The following WWOX variants were observed in gnomAD, a reference collection of about 807,000 sequenced individuals.
WWOX encodes WW domain containing oxidoreductase.
WWOX carries 69 observed loss-of-function variants against 46.2 expected under a neutral mutation model. The observed-to-expected ratio is 1.49, with a 90% CI of 1.23 to 1.82. The LOEUF (loss-of-function observed/expected upper bound fraction) is 1.82, where lower values mean the gene tolerates loss of function less well. Ranked by LOEUF, WWOX falls within the 40% of genes most tolerant of loss-of-function variation. The pLI is 0.00. For missense variants in WWOX, 919 were observed against 542.6 expected, an observed-to-expected ratio of 1.69 and a Z score of -6.89; for synonymous variants, 359 against 202.6, an observed-to-expected ratio of 1.77 and a Z score of -6.56.
chr16:78,958,761 A>G (rs114672769), intron 8 of WWOX, among the ~76,000 whole-genome samples: 102 of 152,352 alleles, frequency 6.7e-4, no homozygotes, highest in Middle Eastern at 3.4e-3. Context: ...CAAGTCGTCA[A>G]TGCCACTTTG....
chr16:78,477,608 G>A (rs1437671630), intron 8 of WWOX, among the ~76,000 whole-genome samples: 1 of 150,812 alleles, frequency 6.6e-6, no homozygotes, highest in African/African-American at 2.5e-5. Flanking sequence ...TCTAATGTGA[G>A]ATTTTATTTT....
intron 5 of WWOX, among the ~76,000 whole-genome samples, chr16:78,210,794 G>A (rs1045529679): frequency 5.3e-5 from 8 of 152,184 alleles, no homozygotes; most frequent in African/African-American, 1.9e-4. Context: ...GGTCTACCCA[G>A]TTATAATTCT....
chr16:79,095,834 G>T (rs2049056636), intron 8 of WWOX, among the ~76,000 whole-genome samples: 2 of 149,334 alleles, frequency 1.3e-5, no homozygotes, highest in East Asian at 2.0e-4. Flanking sequence ...CCTCCCGCCT[G>T]GATCACTGCT....
intron 8 of WWOX, among the ~76,000 whole-genome samples, chr16:78,858,146 G>GTGTGTGTGTT (rs2052611465): frequency 6.9e-6 from 1 of 145,722 alleles, no homozygotes; most frequent in Non-Finnish European, 1.5e-5. Context: ...TTGTGTGTTT[G>GTGTGTGTGTT]TGTGTGTGTG....
intron 8 of WWOX, among the ~76,000 whole-genome samples, chr16:78,572,841 G>A (rs2044752002): frequency 1.3e-5 from 2 of 152,054 alleles, no homozygotes; most frequent in African/African-American, 4.8e-5. Flanking sequence ...CACAGGGGAG[G>A]TATTGGAAAG....
intron 7 of WWOX, among the ~76,000 whole-genome samples, chr16:78,426,573 C>G (rs2083082992): frequency 6.6e-6 from 1 of 152,178 alleles, no homozygotes; most frequent in Non-Finnish European, 1.5e-5. Context: ...ATAGGGAGGC[C>G]TTCCTGAAAT....
Position 78,386,855 on chromosome 16 carries a change from T to C in WWOX, c.517-5T>C. On this transcript the variant is annotated splice_polypyrimidine_tract_variant and splice_region_variant and intron_variant, in intron 5 of 8. Transcript: ENST00000566780. ...ATCATTTCTTTTTATTTTCTCTCATTGCAGCATAAAGCCAAGGTAGAAGCA... is the reference window on the plus strand; with the variant it reads ...ATCATTTCTTTTTATTTTCTCTCATCGCAGCATAAAGCCAAGGTAGAAGCA... 1 of 1,613,156 alleles carries C rather than the reference T, an allele frequency of 6.2e-7. No individual in the cohort carries two copies. Among genetic ancestry groups the C allele is most frequent in the Non-Finnish European group, 8.5e-7 (1 of 1,179,094 alleles).
At chr16:79,060,653 A>AT (rs913106466) in intron 8 of WWOX, among the ~76,000 whole-genome samples, 3 of 152,232 alleles carry the variant, frequency 2.0e-5, no homozygotes, top group Non-Finnish European at 4.4e-5. Context: ...TTCTAGTCTC[A>AT]TTTTGTAAAC....
intron 5 of WWOX, among the ~76,000 whole-genome samples, chr16:78,313,384 G>C (rs966095521): frequency 1.3e-5 from 2 of 151,780 alleles, no homozygotes. Context: ...TTCTTTTTTT[G>C]AGATGGAGTT....
chr16:79,211,476 T>G, intron 8 of WWOX, 132 bp from the exon 9 acceptor site: 1 of 1,174,618 alleles, frequency 8.5e-7, no homozygotes. Flanking sequence ...CCCAGTACCC[T>G]TTGCTATGCC....
chr16:78,617,048 A>G (rs905475907), intron 8 of WWOX, among the ~76,000 whole-genome samples: 1 of 152,216 alleles, frequency 6.6e-6, no homozygotes, highest in African/African-American at 2.4e-5. Context: ...CATCTCTAAC[A>G]TGCACATGGC....
At chr16:78,302,845 T>C (rs1252830327) in intron 5 of WWOX, among the ~76,000 whole-genome samples, 1 of 152,226 alleles carries the variant, frequency 6.6e-6, no homozygotes, top group Non-Finnish European at 1.5e-5. Context: ...TCAGCCCCTT[T>C]CCTGGCTCCA....
intron 8 of WWOX, among the ~76,000 whole-genome samples, chr16:78,933,422 G>C (rs890172019): frequency 6.6e-6 from 1 of 152,198 alleles, no homozygotes; most frequent in South Asian, 2.1e-4. Context: ...CTGGGCAACA[G>C]AGGGAGACTC....
At chr16:78,223,307 T>G (rs1397289928) in intron 5 of WWOX, among the ~76,000 whole-genome samples, 2 of 152,162 alleles carry the variant, frequency 1.3e-5, no homozygotes, top group Admixed American at 6.5e-5. Flanking sequence ...CTTCCTACAA[T>G]GCACAGGCGC....
At chr16:78,876,833 C>T (rs935246276) in intron 8 of WWOX, among the ~76,000 whole-genome samples, 5 of 152,188 alleles carry the variant, frequency 3.3e-5, no homozygotes, top group African/African-American at 1.2e-4. Flanking sequence ...TTCATCTTAA[C>T]AGCTTGGCAA....
At chr16:79,082,646 C>G (rs1373265834) in intron 8 of WWOX, among the ~76,000 whole-genome samples, 1 of 152,150 alleles carries the variant, frequency 6.6e-6, no homozygotes, top group African/African-American at 2.4e-5. Context: ...TAGTTACAGG[C>G]CATTTAAGAT....
chr16:78,761,278 CAAG>C (rs781754428), intron 8 of WWOX, among the ~76,000 whole-genome samples: 2 of 152,288 alleles, frequency 1.3e-5, no homozygotes, highest in East Asian at 3.9e-4. Flanking sequence ...GCACGGCCTC[CAAG>C]AAGTCGGATC....
At chr16:78,133,376 T>G (rs1310822451) in intron 4 of WWOX, among the ~76,000 whole-genome samples, 1 of 152,178 alleles carries the variant, frequency 6.6e-6, no homozygotes, top group Non-Finnish European at 1.5e-5. Flanking sequence ...TTCTCCTGCT[T>G]CAGCTTCCCA....
At chr16:78,320,049 T>C (rs899831478) in intron 5 of WWOX, among the ~76,000 whole-genome samples, 3 of 152,222 alleles carry the variant, frequency 2.0e-5, no homozygotes, top group Non-Finnish European at 4.4e-5. Context: ...TAATGGTATA[T>C]TTGGGTGAGA....
Sources: gnomAD v4.1 joint callset for allele counts (sites outside exome capture counted in the v4.1 genomes callset) on GRCh38, gnomAD v4.1.1 for gene constraint, MANE v1.5 for transcripts, NCBI Gene and HGNC (gene_info 2026-07-23, HGNC 2026-07-21) for gene names.